The following LMLN variants were observed in gnomAD, a reference collection of about 807,000 sequenced individuals.
LMLN encodes the protein leishmanolysin-like peptidase.
Under a neutral mutation model 92.3 loss-of-function variants are expected in LMLN, and 70 were observed. The observed-to-expected ratio is 0.76, with a 90% CI of 0.63 to 0.92. LMLN has a LOEUF of 0.92. Ranked by LOEUF, LMLN falls within the 40% of genes least tolerant of loss-of-function variation. LMLN has a pLI of 0.00. For missense variants in LMLN, 691 were observed against 814.6 expected, an observed-to-expected ratio of 0.85 and a Z score of 1.85; for synonymous variants, 308 against 296.2, an observed-to-expected ratio of 1.04 and a Z score of -0.41.
In LMLN at chr3:198,019,152, T is replaced by C. The variant is rs1355755238; in HGVS notation, c.1233-101T>C. On this transcript the variant is annotated intron_variant, in intron 11 of 15. Transcript: ENST00000330198. This position sits in a 1 kb window ranked among gnomAD's most constrained non-coding sequence, Gnocchi z 5.5. ...CCCATTTGTTAATTATGAAGGTTTG[T>C]ATTTTTAGGCCAGGATCTGGAATTC... The C allele has an allele frequency of 2.5e-6, 3 of 1,182,108 alleles. No homozygotes were observed. Among genetic ancestry groups the C allele is most frequent in the Non-Finnish European group, 3.5e-6 (3 of 845,186 alleles). 73.2% of individuals were successfully genotyped at this position (1,182,108 alleles called of 1,614,324 possible). A position where few individuals can be genotyped will look rare whatever the true frequency, so the allele number is the denominator to read the frequency against.
intron 9 of LMLN, among the ~76,000 whole-genome samples, chr3:197,992,089 CAAAAAAAA>C (rs869163432): frequency 1.5e-5 from 1 of 65,628 alleles, no homozygotes; most frequent in Admixed American, 1.7e-4. Context: ...GACCCTGTCT[CAAAAAAAA>C]AAAAAAAAAG....
At chr3:198,003,052 G>C in intron 11 of LMLN, 1 of 1,551,544 alleles carries the variant, frequency 6.4e-7, no homozygotes, top group Non-Finnish European at 8.7e-7. Context: ...TGAGAAGTTA[G>C]ACTGGGGCCG....
intron 14 of LMLN, among the ~76,000 whole-genome samples, chr3:198,032,310 C>T (rs188610019): frequency 6.6e-6 from 1 of 152,140 alleles, no homozygotes; most frequent in African/African-American, 2.4e-5. Context: ...GGAAGGAAGT[C>T]GATTTTGAAT....
At chr3:198,017,923 A>G (rs1204774365) in intron 11 of LMLN, among the ~76,000 whole-genome samples, 1 of 152,102 alleles carries the variant, frequency 6.6e-6, no homozygotes, top group Non-Finnish European at 1.5e-5. Flanking sequence ...CTCAAAATAA[A>G]TAAATAAATA....
chr3:198,011,126 T>TA (rs201777752), intron 11 of LMLN, among the ~76,000 whole-genome samples: 10,274 of 152,226 alleles, frequency 0.067, 438 homozygotes, highest in African/African-American at 0.11. Context: ...GTTTTTTATT[T>TA]TTTTTTATTA....
At chr3:197,993,452 A>G (rs186273773) in intron 9 of LMLN, among the ~76,000 whole-genome samples, 5 of 152,288 alleles carry the variant, frequency 3.3e-5, no homozygotes, top group East Asian at 1.9e-4. Flanking sequence ...TTTTCTATAT[A>G]CTAACAGAAA....
At chr3:197,974,232 A>G (rs1721305808) in intron 1 of LMLN, 145 bp from the exon 2 acceptor site, 4 of 584,712 alleles carry the variant, frequency 6.8e-6, no homozygotes, top group African/African-American at 4.0e-5. Context: ...TTTGAGGTTC[A>G]AGAATGCTGA....
chr3:197,981,517 C>G (rs192829498), intron 6 of LMLN, among the ~76,000 whole-genome samples: 1 of 152,370 alleles, frequency 6.6e-6, no homozygotes, highest in African/African-American at 2.4e-5. Context: ...GACTGTTCAT[C>G]TAATTGTCAT....
intron 2 of LMLN, among the ~76,000 whole-genome samples, 196 bp from the exon 3 acceptor site, chr3:197,974,846 G>A (rs1721323397): frequency 6.6e-6 from 1 of 152,214 alleles, no homozygotes; most frequent in South Asian, 2.1e-4. Context: ...GATCTCTCAT[G>A]AGAAAGAATT....
chr3:198,030,462 G>C (rs1723048695), intron 14 of LMLN, among the ~76,000 whole-genome samples: 1 of 152,108 alleles, frequency 6.6e-6, no homozygotes, highest in African/African-American at 2.4e-5. Flanking sequence ...AGTTTTCTTT[G>C]TATTTAGCAC....
intron 3 of LMLN, 78 bp downstream of exon 3, chr3:197,975,150 A>G (rs1174921459): frequency 6.4e-6 from 5 of 786,444 alleles, no homozygotes; most frequent in Non-Finnish European, 1.1e-5. Flanking sequence ...GTAAAGAAAA[A>G]TATATACATG....
chr3:198,021,432 T>C lies in LMLN; in HGVS notation c.1366-14T>C. 1.9e-6 allele frequency: 3 copies of C among 1,611,076 alleles called. No individual in the cohort carries two copies. In the South Asian group the frequency reaches 3.3e-5, roughly 18 times the overall value. On this transcript the variant is annotated splice_polypyrimidine_tract_variant and intron_variant, in intron 12 of 15. Transcript: ENST00000330198. ...GTTTCTTACTTTCTTGTCTTCCCAA[T>C]ATTTTTTCTGCAGTACTTTGATGAA...
rs574912113 is a variant in LMLN at position 198,019,853 on chromosome 3, T to C, written c.1365+468T>C. On this transcript the variant is annotated intron_variant, in intron 12 of 15. Coordinates refer to ENST00000330198, the Ensembl canonical transcript of LMLN. The surrounding 1 kb of genome is among the most constrained non-coding windows in gnomAD (Gnocchi z 5.5). The stretch of plus-strand genomic sequence containing the variant: ...GGATCTCTGATTTGACCTTTATGTT[T>C]CTTTTTATCTTTTATCTTTTTTTCC... Among the ~76,000 whole-genome samples, 1 of 152,274 alleles carries C rather than the reference T, an allele frequency of 6.6e-6. No homozygotes were observed. The highest frequency in any genetic ancestry group is 2.1e-4 in the South Asian group (1 of 4,820).
chr3:198,015,897 T>TA (rs1419350192), intron 11 of LMLN, among the ~76,000 whole-genome samples: 24 of 151,616 alleles, frequency 1.6e-4, no homozygotes, highest in African/African-American at 4.8e-4. Flanking sequence ...TTGTTATATT[T>TA]AAAAAAAAAT....
intron 11 of LMLN, chr3:197,999,675 G>C (rs538949625): frequency 3.3e-5 from 7 of 215,292 alleles, no homozygotes; most frequent in Non-Finnish European, 5.6e-5. Flanking sequence ...CTACAGGCAC[G>C]TGCCACCATG....
intron 11 of LMLN, among the ~76,000 whole-genome samples, chr3:198,010,125 T>A (rs1313805283): frequency 6.6e-6 from 1 of 152,172 alleles, no homozygotes; most frequent in African/African-American, 2.4e-5. Flanking sequence ...TTCCCACTGC[T>A]TGTTTTTGGT....
intron 1 of LMLN, among the ~76,000 whole-genome samples, chr3:197,972,338 A>G (rs1721253064): frequency 6.6e-6 from 1 of 152,174 alleles, no homozygotes; most frequent in Non-Finnish European, 1.5e-5. Context: ...TGCTGGGATT[A>G]CAGGCATGAG....
chr3:198,009,437 T>G (rs1722375934), intron 11 of LMLN, among the ~76,000 whole-genome samples: 1 of 152,230 alleles, frequency 6.6e-6, no homozygotes, highest in Non-Finnish European at 1.5e-5. Flanking sequence ...TTCTTTTTTG[T>G]ACCATCTTTG....
intron 4 of LMLN, 173 bp from the exon 5 acceptor site, chr3:197,976,425 A>C (rs1581135578): frequency 1.9e-6 from 1 of 534,034 alleles, no homozygotes; most frequent in East Asian, 3.0e-5. Context: ...TTAAAAACCC[A>C]AATCAAGAGG....
Sources: allele counts gnomAD v4.1 joint callset (sites outside exome capture counted in the v4.1 genomes callset), GRCh38; gene constraint gnomAD v4.1.1; non-coding constraint Gnocchi (gnomAD v3.1); transcripts MANE v1.5; gene names NCBI Gene and HGNC (gene_info 2026-07-23, HGNC 2026-07-21).